The following ATP13A2 variants were observed in gnomAD, a reference collection of about 807,000 sequenced individuals.
ATP13A2 encodes ATPase cation transporting 13A2.
A neutral mutation model predicts 138.3 loss-of-function variants in ATP13A2; 83 were observed. The ratio of observed to expected loss-of-function variants is 0.60; its 90% CI spans 0.50 to 0.72. The LOEUF (loss-of-function observed/expected upper bound fraction) is 0.72. ATP13A2 is among the 30% of genes least tolerant of loss of function. ATP13A2 has a pLI of 0.00. For missense variants in ATP13A2, 1,402 were observed against 1,606.4 expected (o/e 0.87, Z 2.17); for synonymous variants, 663 against 699.0 (o/e 0.95, Z 0.81).
chr1:16,988,584 G>A (rs895280342), intron 23 of ATP13A2, 110 bp from the exon 24 acceptor site: 1 of 1,273,236 alleles, frequency 7.9e-7, no homozygotes, highest in African/African-American at 1.5e-5. Flanking sequence ...GGTGCCTGGT[G>A]TACAGGAGGC....
chr1:17,005,602 C>T (rs1423277907), intron 2 of ATP13A2, 46 bp from the exon 3 acceptor site: 2 of 1,613,854 alleles, frequency 1.2e-6, no homozygotes, highest in Admixed American at 3.3e-5. Flanking sequence ...GGGAACGGGG[C>T]TGGAGTAGGA....
chr1:16,988,708 C>G (rs978167087), intron 23 of ATP13A2, among the ~76,000 whole-genome samples: 3 of 152,210 alleles, frequency 2.0e-5, no homozygotes, highest in Admixed American at 1.3e-4. Flanking sequence ...TCTCAGCTCA[C>G]TGCAACCTCT....
At chr1:16,994,590 C>CT (rs2077051112) in intron 15 of ATP13A2, among the ~76,000 whole-genome samples, 1 of 152,160 alleles carries the variant, frequency 6.6e-6, no homozygotes, top group Admixed American at 6.5e-5. Flanking sequence ...ATCCTAGACT[C>CT]TAACTGCCCA....
At position 17,000,394 on chromosome 1, in the gene ATP13A2, A is replaced by G; in HGVS notation, c.840+6T>C. On this transcript the variant is annotated splice_donor_region_variant and intron_variant, in intron 9 of 28. Coordinates refer to ENST00000326735, the MANE Select transcript of ATP13A2 (RefSeq NM_022089.4). ...GTCCCGTCCCCACCCACCTTATGGC[A>G]CTCACCTTTCTGGTCTTGTACAGCG... 1 of 1,611,016 alleles carries G rather than the reference A, an allele frequency of 6.2e-7. No homozygotes were observed. The highest frequency in any genetic ancestry group is 8.5e-7 in the Non-Finnish European group (1 of 1,178,608).
In ATP13A2 at chr1:16,997,135, C is replaced by G. The variant is rs55943100; in HGVS notation, c.1080G>C (p.Gly360=). ...GTGTCTCTGCACAGTAGGGCCCCAG[C>G]CCCTCCGGCAGTGCCGTCTTCAGCA... ...IPVLKTALPE[G]LGPYCAETHR... is the part of the protein sequence containing the mutation. Residue 360 remains glycine, a synonymous_variant, in exon 12 of 29, where the codon GGG becomes GGC. Coordinates refer to ENST00000326735, the MANE Select transcript of ATP13A2 (RefSeq NM_022089.4). The G allele has an allele frequency of 9.7e-5, 156 of 1,613,756 alleles. No individual in the cohort carries two copies. The highest frequency in any genetic ancestry group is 5.0e-4 in the Middle Eastern group (3 of 6,046).
chr1:16,987,937 G>A (rs2076793336), intron 25 of ATP13A2, among the ~76,000 whole-genome samples: 2 of 152,164 alleles, frequency 1.3e-5, no homozygotes, highest in Non-Finnish European at 2.9e-5. Flanking sequence ...TGAGGACCTA[G>A]TGGGTACCAG....
rs765560804 is a variant in ATP13A2, at chr1:16,988,177, G to A, written c.2820C>T (p.Tyr940=). The stretch of plus-strand genomic sequence containing the variant: ...GGACGGAGATGAACTGGGTCAGGCT[G>A]TACAGAGCCATGTACTTGAAGACGC... The part of the protein sequence containing the change: ...SFSVFKYMAL[Y]SLTQFISVLI... Residue 940 remains tyrosine, a synonymous_variant, in exon 25 of 29, where the codon TAC becomes TAT. Transcript: ENST00000326735. 3.1e-6 allele frequency: 5 copies of A among 1,614,088 alleles called. No homozygotes were observed. The Admixed American group carries it at 8.3e-5, about 27-fold the overall frequency.
chr1:17,002,023 G>A lies in ATP13A2; in HGVS notation c.705+11C>T, dbSNP rs41273153. 8.4e-5 allele frequency: 135 copies of A among 1,606,714 alleles called. No individual in the cohort carries two copies. The highest frequency in any genetic ancestry group is 1.1e-4 in the Non-Finnish European group (132 of 1,175,562). ...AGGCAGGGCTGGGGCAAGACCCAGG[G>A]ACAGCCCTACCTCGTCCACCAGCAG... is the stretch of plus-strand genomic sequence containing the variant. On this transcript the variant is annotated intron_variant, in intron 8 of 28. Transcript: ENST00000326735.
chr1:16,995,455 C>T lies in ATP13A2; in HGVS notation c.1542+521G>A. ...CAGCACGGGATGCACACTAGGGCCCCAGGTCCCCACCAGTAATTTTTTTTT... is the reference window on the plus strand; with the variant it reads ...CAGCACGGGATGCACACTAGGGCCCTAGGTCCCCACCAGTAATTTTTTTTT... On this transcript the variant is annotated intron_variant, in intron 15 of 28. Coordinates refer to ENST00000326735, the MANE Select transcript of ATP13A2 (RefSeq NM_022089.4). The surrounding 1 kb of genome is among the most constrained non-coding windows in gnomAD (Gnocchi z 4.1). 1 of 269,828 alleles carries T rather than the reference C, an allele frequency of 3.7e-6. No homozygotes were observed. Among genetic ancestry groups the T allele is most frequent in the South Asian group, 3.9e-5 (1 of 25,616 alleles). 16.7% of individuals were successfully genotyped at this position (269,828 alleles called of 1,614,324 possible). A position where few individuals can be genotyped will look rare whatever the true frequency, so the allele number is the denominator to read the frequency against.
Position 16,996,044 on chromosome 1 carries a change from CCT to C in ATP13A2, c.1472_1473del (p.Gln491ArgfsTer29), listed in dbSNP as rs758060683. 3.1e-6 allele frequency: 5 copies of C among 1,613,970 alleles called. No homozygotes were observed. Among genetic ancestry groups the C allele is most frequent in the East Asian group, 2.2e-5 (1 of 44,896 alleles). On this transcript the variant is annotated frameshift_variant, in exon 15 of 29. Transcript: ENST00000326735. LOFTEE classifies it high-confidence loss of function. ...CGCAGTGGGTGGATGCAGAAAATGC[CCT>C]GTCTCCGCAGTCGGCTCTGGGCGTA... ...TLYAQSRLRR[Q>X]GIFCIHPLRI...
rs372058266 is a variant in ATP13A2 at position 16,992,550 on chromosome 1, G to A, written c.1781C>T (p.Ala594Val). The A allele has an allele frequency of 3.4e-5, 55 of 1,614,086 alleles. No homozygotes were observed. The highest frequency in any genetic ancestry group is 5.3e-5 in the African/African-American group (4 of 74,938). Residue 594 changes from alanine (A) to valine (V), a missense_variant, in exon 17 of 29, where the codon GCA (alanine) becomes GTA (valine). Physicochemically the swap from Ala to Val is moderately conservative, Grantham distance 64 (BLOSUM62 0). Transcript: ENST00000326735. ...VLEEEPAADSAFGTQVLAVMR... is the reference protein window; with the variant it reads ...VLEEEPAADSVFGTQVLAVMR... Reference sequence around the variant, plus strand: ...CACTGCCAAGACCTGGGTCCCAAATGCTGAGTCTGCAGCCGGCTCTTCCTC... The same window carrying A: ...CACTGCCAAGACCTGGGTCCCAAATACTGAGTCTGCAGCCGGCTCTTCCTC...
At chr1:17,007,173 G>A (rs973212788) in intron 1 of ATP13A2, among the ~76,000 whole-genome samples, 3 of 152,142 alleles carry the variant, frequency 2.0e-5, no homozygotes, top group South Asian at 2.1e-4. Flanking sequence ...CACTGCGCCC[G>A]GCCACAGACA....
At chr1:16,997,417 G>GGGGGGT (rs2077174412) in intron 11 of ATP13A2, among the ~76,000 whole-genome samples, 1 of 141,352 alleles carries the variant, frequency 7.1e-6, no homozygotes, top group Non-Finnish European at 1.5e-5. Context: ...GAACCAGCGG[G>GGGGGGT]GGGGGGTGGG....
Position 16,996,057 on chromosome 1 carries a change from T to C in ATP13A2, c.1461A>G (p.Arg487=). 1 of 1,614,066 alleles carries C rather than the reference T, an allele frequency of 6.2e-7. No individual in the cohort carries two copies. Among genetic ancestry groups the C allele is most frequent in the African/African-American group, 1.3e-5 (1 of 75,058 alleles). Residue 487 remains arginine, a synonymous_variant, in exon 15 of 29, where the codon CGA becomes CGG. Coordinates refer to ENST00000326735, the MANE Select transcript of ATP13A2 (RefSeq NM_022089.4). ...TGCAGAAAATGCCCTGTCTCCGCAG[T>C]CGGCTCTGGGCGTAGAGCGTGCACA... ...MTVCTLYAQS[R]LRRQGIFCIH...
intron 3 of ATP13A2, 95 bp downstream of exon 3, chr1:17,005,279 G>GA: frequency 6.6e-7 from 1 of 1,524,702 alleles, no homozygotes; most frequent in Non-Finnish European, 8.9e-7. Flanking sequence ...ATGTCCCATG[G>GA]AAAGTCAGTG....
Position 17,011,726 on chromosome 1 carries a change from CA to C in ATP13A2, c.10+2del. 6.8e-7 allele frequency: 1 copy of C among 1,480,110 alleles called. No individual in the cohort carries two copies. Among genetic ancestry groups the C allele is most frequent in the East Asian group, 2.9e-5 (1 of 34,344 alleles). The allele number at this position is 1,480,110 out of a possible 1,614,324, so 91.7% of individuals were successfully genotyped here. On this transcript the variant is annotated splice_donor_variant, in intron 1 of 28. Transcript: ENST00000326735. LOFTEE classifies it high-confidence loss of function. The surrounding 1 kb of genome is among the most constrained non-coding windows in gnomAD (Gnocchi z 7.3). ...TCGGGGCCGACCCGGACTCCGCACT[CA>C]CCTGCGCTCATGCCGGCTCCTCGCG...
chr1:16,996,164 C>G lies in ATP13A2; in HGVS notation c.1354G>C (p.Val452Leu). ...YSIFILYRNR[V>L]PLNEIVIRAL... Reference sequence around the variant, plus strand: ...CGGATTACAATCTCATTCAGAGGCACCTGGCAGGGGGCACCATGAATGTGA... The same window carrying G: ...CGGATTACAATCTCATTCAGAGGCAGCTGGCAGGGGGCACCATGAATGTGA... Residue 452 changes from valine to leucine, a missense_variant and splice_region_variant, in exon 15 of 29, where the codon GTG becomes CTG. Coordinates refer to ENST00000326735, the MANE Select transcript of ATP13A2 (RefSeq NM_022089.4). The G allele has an allele frequency of 6.2e-7, 1 of 1,614,176 alleles. No individual in the cohort carries two copies. Among genetic ancestry groups the G allele is most frequent in the African/African-American group, 1.3e-5 (1 of 75,078 alleles).
intron 25 of ATP13A2, 99 bp downstream of exon 25, chr1:16,988,039 A>C: frequency 9.1e-7 from 1 of 1,100,410 alleles, no homozygotes; most frequent in Non-Finnish European, 1.4e-6. Flanking sequence ...ATCTGGGCCC[A>C]CGTCATCTAT....
At chr1:16,987,545 G>A (rs2076781091) in intron 25 of ATP13A2, among the ~76,000 whole-genome samples, 1 of 152,214 alleles carries the variant, frequency 6.6e-6, no homozygotes, top group Admixed American at 6.5e-5. Context: ...CCGGCCCGAA[G>A]GGGAGGCTTC....
Sources: allele counts gnomAD v4.1 joint callset (sites outside exome capture counted in the v4.1 genomes callset), GRCh38; gene constraint gnomAD v4.1.1; non-coding constraint Gnocchi (gnomAD v3.1); transcripts MANE v1.5; gene names NCBI Gene and HGNC (gene_info 2026-07-23, HGNC 2026-07-21).